Variants in KLF3 observed in about 807,000 individuals in gnomAD.
The protein encoded by KLF3 is KLF transcription factor 3.
KLF3 carries 6 observed loss-of-function variants against 32.7 expected under a neutral mutation model. That is an observed-to-expected ratio of 0.18 (90% CI 0.10 to 0.36). The LOEUF (loss-of-function observed/expected upper bound fraction) is 0.36. KLF3 is among the 10% of genes least tolerant of loss of function. The pLI, the probability that KLF3 is intolerant of heterozygous loss-of-function variation, is 1.00. For missense variants in KLF3, 338 were observed against 449.7 expected, an observed-to-expected ratio of 0.75 and a Z score of 2.25; for synonymous variants, 145 against 172.8, an observed-to-expected ratio of 0.84 and a Z score of 1.26.
intron 1 of KLF3, among the ~76,000 whole-genome samples, chr4:38,670,373 C>A (rs1247452662): frequency 1.3e-5 from 2 of 152,206 alleles, no homozygotes; most frequent in African/African-American, 4.8e-5. Flanking sequence ...GAGCTAGTCT[C>A]AACCCAAATC....
At chr4:38,686,173 G>T (rs921117939) in intron 2 of KLF3, among the ~76,000 whole-genome samples, 6 of 151,972 alleles carry the variant, frequency 3.9e-5, no homozygotes, top group Admixed American at 3.9e-4. Flanking sequence ...GGCTGCGCGT[G>T]GTGGCTCATG....
intron 5 of KLF3, among the ~76,000 whole-genome samples, chr4:38,695,689 T>C (rs1166545490): frequency 3.3e-5 from 5 of 152,026 alleles, no homozygotes; most frequent in Non-Finnish European, 7.4e-5. Flanking sequence ...CTGGGCAACA[T>C]AGGGAGGCCA....
In KLF3 at chr4:38,697,045, GA is replaced by G. The variant is rs749003979; in HGVS notation, c.857-27del. On this transcript the variant is annotated intron_variant, in intron 5 of 5. Coordinates refer to ENST00000261438, the MANE Select transcript of KLF3 (RefSeq NM_016531.6). ...CTCAAAGATCTTTACTACCTTTACAGAAAAAAAAAATAGCTCTTTTCTTTTT... is the reference window on the plus strand; with the variant it reads ...CTCAAAGATCTTTACTACCTTTACAGAAAAAAAAATAGCTCTTTTCTTTTT... 2.6e-3 allele frequency: 3,544 copies of G among 1,376,148 alleles called. 26 individuals carry two copies. The African/African-American group carries it at 0.028, about 11-fold the overall frequency. The allele number at this position is 1,376,148 out of a possible 1,614,324, so 85.2% of individuals were successfully genotyped here.
At chr4:38,681,666 G>T (rs1233252208) in intron 2 of KLF3, among the ~76,000 whole-genome samples, 1 of 152,196 alleles carries the variant, frequency 6.6e-6, no homozygotes, top group Non-Finnish European at 1.5e-5. Context: ...TGAGGATTCT[G>T]GTTGAGTGAA....
At chr4:38,665,113 C>T (rs1721985385) in intron 1 of KLF3, among the ~76,000 whole-genome samples, 1 of 152,148 alleles carries the variant, frequency 6.6e-6, no homozygotes, top group African/African-American at 2.4e-5. Flanking sequence ...TTGGAGGCAG[C>T]ATCCCATTCT....
chr4:38,676,730 C>T (rs916348079), intron 1 of KLF3, among the ~76,000 whole-genome samples: 5 of 151,874 alleles, frequency 3.3e-5, no homozygotes, highest in African/African-American at 1.2e-4. Context: ...GAATTTTGCA[C>T]GGACTTTTTT....
At chr4:38,685,309 A>G (rs555437574) in intron 2 of KLF3, among the ~76,000 whole-genome samples, 33 of 152,322 alleles carry the variant, frequency 2.2e-4, no homozygotes, top group African/African-American at 7.5e-4. Context: ...GGCTGGAAAC[A>G]GTTAATTATC....
chr4:38,674,995 C>T lies in KLF3; in HGVS notation c.-39-5592C>T, dbSNP rs920628878. ...AAGCCCTGCAGCTCACCTGCAGCCC[C>T]GCTCCCCACTCCATAAAGCCATTGT... On this transcript the variant is annotated intron_variant, in intron 1 of 5. Coordinates refer to ENST00000261438, the MANE Select transcript of KLF3 (RefSeq NM_016531.6). This position sits in a 1 kb window ranked among gnomAD's most constrained non-coding sequence, Gnocchi z 4.1. Among the ~76,000 whole-genome samples, 4 of 152,186 alleles carry T rather than the reference C, an allele frequency of 2.6e-5. No homozygotes were observed. Among genetic ancestry groups the T allele is most frequent in the African/African-American group, 7.2e-5 (3 of 41,452 alleles).
rs1722277701 is a variant in KLF3 at position 38,674,272 on chromosome 4, A to C, written c.-39-6315A>C. On this transcript the variant is annotated intron_variant, in intron 1 of 5. Coordinates refer to ENST00000261438, the MANE Select transcript of KLF3 (RefSeq NM_016531.6). This position sits in a 1 kb window ranked among gnomAD's most constrained non-coding sequence, Gnocchi z 4.1. ...GTCCCCTGTATTTCTGGCTAGGGCAACTGTCCTTAAATAATACTTGAGCCA... is the reference window on the plus strand; with the variant it reads ...GTCCCCTGTATTTCTGGCTAGGGCACCTGTCCTTAAATAATACTTGAGCCA... 6.6e-6 allele frequency among the ~76,000 whole-genome samples: 1 copy of C among 152,158 alleles called. No homozygotes were observed. Among genetic ancestry groups the C allele is most frequent in the South Asian group, 2.1e-4 (1 of 4,828 alleles).
At chr4:38,677,285 A>G (rs1477632354) in intron 1 of KLF3, among the ~76,000 whole-genome samples, 6 of 152,234 alleles carry the variant, frequency 3.9e-5, no homozygotes, top group Non-Finnish European at 8.8e-5. Context: ...ATACTAGACT[A>G]TGTTTCTCTT....
Position 38,700,661 on chromosome 4 carries a change from T to C in KLF3, c.*3398T>C, listed in dbSNP as rs1723172025. ...AGTGTTAGAGGGTCAAAATAATCTT[T>C]CTGCTTAGCATCTCTTAAACCATAC... On this transcript the variant is annotated 3_prime_UTR_variant, in exon 6 of 6. Coordinates refer to ENST00000261438, the MANE Select transcript of KLF3 (RefSeq NM_016531.6). The C allele has an allele frequency of 6.6e-6, 1 of 152,236 alleles. No individual in the cohort carries two copies. Among genetic ancestry groups the C allele is most frequent in the South Asian group, 2.1e-4 (1 of 4,836 alleles). The allele number at this position is 152,236 out of a possible 1,614,324, so 9.4% of individuals were successfully genotyped here.
Position 38,671,119 on chromosome 4 carries a change from T to C in KLF3, c.-40+6658T>C, listed in dbSNP as rs1278535138. ...TAAAAGTCGGTCCCACAGCACAGGC[T>C]CTGAAGCAGAACAGAAAGTGCCCGG... is the stretch of plus-strand genomic sequence containing the variant. On this transcript the variant is annotated intron_variant, in intron 1 of 5. Coordinates refer to ENST00000261438, the MANE Select transcript of KLF3 (RefSeq NM_016531.6). This position sits in a 1 kb window ranked among gnomAD's most constrained non-coding sequence, Gnocchi z 4.4. Among the ~76,000 whole-genome samples the C allele has an allele frequency of 6.6e-6, 1 of 152,196 alleles. No individual in the cohort carries two copies. Among genetic ancestry groups the C allele is most frequent in the Non-Finnish European group, 1.5e-5 (1 of 68,024 alleles).
intron 2 of KLF3, among the ~76,000 whole-genome samples, chr4:38,687,228 A>G (rs1361718043): frequency 6.6e-6 from 1 of 152,258 alleles, no homozygotes; most frequent in Non-Finnish European, 1.5e-5. Context: ...ATTCAAGTAC[A>G]AAGAATTTTC....
intron 1 of KLF3, among the ~76,000 whole-genome samples, chr4:38,680,062 T>C (rs1480970750): frequency 6.6e-6 from 1 of 152,156 alleles, no homozygotes; most frequent in East Asian, 1.9e-4. Context: ...GCTGGTTGGC[T>C]CTCATCTGGT....
intron 1 of KLF3, among the ~76,000 whole-genome samples, chr4:38,667,475 C>T (rs556549378): frequency 6.6e-6 from 1 of 152,166 alleles, no homozygotes; most frequent in Non-Finnish European, 1.5e-5. Context: ...AATGAGAAGT[C>T]AGTTAACCTT....
rs565579055 is a variant in KLF3, at chr4:38,696,596, C to G, written c.857-486C>G. On this transcript the variant is annotated intron_variant, in intron 5 of 5. Transcript: ENST00000261438. ...TTAGGCCTAATTGTTATTGACTAAA[C>G]AAGAAAATAAGATGTTAATCCCTAA... is the stretch of plus-strand genomic sequence containing the variant. Among the ~76,000 whole-genome samples, 5 of 152,234 alleles carry G rather than the reference C, an allele frequency of 3.3e-5. No homozygotes were observed. In the South Asian group the frequency reaches 8.3e-4, roughly 25 times the overall value.
chr4:38,690,887 A>G (rs937539950), intron 4 of KLF3: 5 of 152,190 alleles, frequency 3.3e-5, no homozygotes, highest in African/African-American at 1.2e-4. Flanking sequence ...ATCCACATTC[A>G]GCTTGGGTAG....
intron 1 of KLF3, among the ~76,000 whole-genome samples, chr4:38,670,633 C>A (rs1018667031): frequency 6.6e-6 from 1 of 152,214 alleles, no homozygotes; most frequent in African/African-American, 2.4e-5. Context: ...AGATCGAGTT[C>A]CTGTTCCGCT....
At chr4:38,693,105 T>G (rs1467199668) in intron 4 of KLF3, among the ~76,000 whole-genome samples, 1 of 48,002 alleles carries the variant, frequency 2.1e-5, no homozygotes, top group Admixed American at 2.4e-4. Context: ...TATATATATG[T>G]ACATATATAT....
Sources: allele counts gnomAD v4.1 joint callset (sites outside exome capture counted in the v4.1 genomes callset), GRCh38; gene constraint gnomAD v4.1.1; non-coding constraint Gnocchi (gnomAD v3.1); transcripts MANE v1.5; gene names NCBI Gene and HGNC (gene_info 2026-07-23, HGNC 2026-07-21).